SPPL3: variants seen among roughly 807,000 people sequenced by gnomAD.
SPPL3 encodes signal peptide peptidase like 3, also known as signal peptide peptidase-like 3.
A neutral mutation model predicts 42.4 loss-of-function variants in SPPL3; 5 were observed. The observed-to-expected ratio is 0.12, with a 90% CI of 0.06 to 0.25. The LOEUF (loss-of-function observed/expected upper bound fraction) is 0.25. Among genes scored for constraint, SPPL3 ranks in the 10% least tolerant of loss-of-function variants. SPPL3 has a pLI of 1.00. For missense variants in SPPL3, 235 were observed against 489.0 expected (o/e 0.48, Z 4.90); for synonymous variants, 195 against 181.8 (o/e 1.07, Z -0.58).
intron 6 of SPPL3, among the ~76,000 whole-genome samples, chr12:120,782,226 A>C (rs971261209): frequency 6.6e-6 from 1 of 152,230 alleles, no homozygotes; most frequent in African/African-American, 2.4e-5. Context: ...ATATTCAAAG[A>C]AGCATCATTC....
intron 1 of SPPL3, among the ~76,000 whole-genome samples, chr12:120,894,494 C>T (rs1172410372): frequency 6.6e-6 from 1 of 152,180 alleles, no homozygotes; most frequent in Non-Finnish European, 1.5e-5. Flanking sequence ...AGGCACTGTA[C>T]GTAGGTCACA....
At chr12:120,856,275 A>C (rs2137038401) in intron 1 of SPPL3, among the ~76,000 whole-genome samples, 1 of 151,796 alleles carries the variant, frequency 6.6e-6, no homozygotes, top group Non-Finnish European at 1.5e-5. Context: ...GATTTCCCTT[A>C]ATCTGAAAGA....
rs1255922451 is a variant in SPPL3 at position 120,763,324 on chromosome 12, C to T, written c.*1675G>A. On this transcript the variant is annotated 3_prime_UTR_variant, in exon 11 of 11. Coordinates refer to ENST00000353487, the MANE Select transcript of SPPL3 (RefSeq NM_139015.5). ...GAGGAATCCAACACCCTGACTGCTT[C>T]AGACTCTGTTGACAACAGGATGGGT... 2.0e-5 allele frequency: 3 copies of T among 152,666 alleles called. No individual in the cohort carries two copies. Among genetic ancestry groups the T allele is most frequent in the Non-Finnish European group, 4.4e-5 (3 of 68,074 alleles). 9.5% of individuals were successfully genotyped at this position (152,666 alleles called of 1,614,324 possible). A position where few individuals can be genotyped will look rare whatever the true frequency, so the allele number is the denominator to read the frequency against.
intron 1 of SPPL3, among the ~76,000 whole-genome samples, chr12:120,871,234 G>A (rs547922771): frequency 9.4e-5 from 14 of 149,562 alleles, no homozygotes; most frequent in African/African-American, 3.2e-4. Flanking sequence ...ATTTAAAAAC[G>A]ATTAAAATGG....
At chr12:120,865,527 G>T (rs1593002481) in intron 1 of SPPL3, among the ~76,000 whole-genome samples, 1 of 152,224 alleles carries the variant, frequency 6.6e-6, no homozygotes, top group East Asian at 1.9e-4. Flanking sequence ...TCAGTGTTTG[G>T]CATGGGTCCT....
chr12:120,890,202 T>C (rs1873591150), intron 1 of SPPL3, among the ~76,000 whole-genome samples: 1 of 151,986 alleles, frequency 6.6e-6, no homozygotes, highest in Non-Finnish European at 1.5e-5. Flanking sequence ...TGAGCCGAGA[T>C]TGCGCCATAG....
rs112460553 is a variant in SPPL3 at position 120,889,376 on chromosome 12, TA to T, written c.23+14468del. Among the ~76,000 whole-genome samples, 13 of 152,366 alleles carry T rather than the reference TA, an allele frequency of 8.5e-5. 1 individual carries two copies. Among genetic ancestry groups the T allele is most frequent in the African/African-American group, 2.9e-4 (12 of 41,586 alleles). On this transcript the variant is annotated intron_variant, in intron 1 of 10. Coordinates refer to ENST00000353487, the MANE Select transcript of SPPL3 (RefSeq NM_139015.5). ...TTGCAGTTCTTCCCACTAATGGGCGTAAGATTTATTTTTGTGGCTCCTTGAC... is the reference window on the plus strand; with the variant it reads ...TTGCAGTTCTTCCCACTAATGGGCGTAGATTTATTTTTGTGGCTCCTTGAC...
intron 1 of SPPL3, among the ~76,000 whole-genome samples, chr12:120,869,691 T>G (rs1872862398): frequency 1.3e-5 from 2 of 152,214 alleles, no homozygotes; most frequent in Non-Finnish European, 2.9e-5. Context: ...ATGTTAGCAT[T>G]TTCGCTACTA....
chr12:120,834,554 T>C (rs994545694), intron 1 of SPPL3, among the ~76,000 whole-genome samples: 9 of 152,178 alleles, frequency 5.9e-5, no homozygotes, highest in South Asian at 2.1e-4. Context: ...AAGGAGATGT[T>C]AGAAATCTTT....
At chr12:120,867,716 A>G (rs1186203099) in intron 1 of SPPL3, among the ~76,000 whole-genome samples, 1 of 148,782 alleles carries the variant, frequency 6.7e-6, no homozygotes. Context: ...TTAGAGTTGA[A>G]CAACTATGGT....
At chr12:120,871,138 A>AAAAAAAAAAG (rs1328903454) in intron 1 of SPPL3, among the ~76,000 whole-genome samples, 5 of 149,708 alleles carry the variant, frequency 3.3e-5, no homozygotes, top group Admixed American at 6.6e-5. Flanking sequence ...TCCAAAAAAA[A>AAAAAAAAAAG]AAAAAAAAAA....
chr12:120,774,355 G>A (rs1034152141), intron 6 of SPPL3, among the ~76,000 whole-genome samples: 1 of 152,110 alleles, frequency 6.6e-6, no homozygotes, highest in Non-Finnish European at 1.5e-5. Context: ...AGGTCACCAG[G>A]TTCCCTTCTC....
chr12:120,817,583 C>A (rs1870924680), intron 1 of SPPL3, among the ~76,000 whole-genome samples: 1 of 152,164 alleles, frequency 6.6e-6, no homozygotes, highest in East Asian at 1.9e-4. Flanking sequence ...TTCGTTTATT[C>A]AACCCATGGG....
At chr12:120,832,498 C>T (rs1871457565) in intron 1 of SPPL3, among the ~76,000 whole-genome samples, 3 of 151,956 alleles carry the variant, frequency 2.0e-5, no homozygotes, top group Admixed American at 2.0e-4. Context: ...ATGAAGAAAC[C>T]CCATCTCTAC....
intron 1 of SPPL3, among the ~76,000 whole-genome samples, chr12:120,881,484 A>AG (rs57017511): frequency 1.1e-5 from 1 of 87,316 alleles, no homozygotes; most frequent in Non-Finnish European, 3.1e-5. Flanking sequence ...AAAAAAAAAA[A>AG]GAGAAGAGAA....
intron 1 of SPPL3, among the ~76,000 whole-genome samples, chr12:120,842,311 A>G (rs1849962257): frequency 6.6e-6 from 1 of 152,198 alleles, no homozygotes; most frequent in South Asian, 2.1e-4. Context: ...AGACATCTAC[A>G]GACAATTATT....
chr12:120,789,210 T>C (rs749663603), intron 3 of SPPL3, among the ~76,000 whole-genome samples: 3 of 151,926 alleles, frequency 2.0e-5, no homozygotes, highest in South Asian at 2.1e-4. Context: ...TCCCAGCACT[T>C]TGGGAGGCCA....
At chr12:120,885,659 C>T (rs937629739) in intron 1 of SPPL3, among the ~76,000 whole-genome samples, 1 of 152,072 alleles carries the variant, frequency 6.6e-6, no homozygotes, top group African/African-American at 2.4e-5. Context: ...CTATCCCTAT[C>T]TTCAACCATC....
chr12:120,808,000 C>A (rs1870556964), intron 2 of SPPL3, among the ~76,000 whole-genome samples: 2 of 151,972 alleles, frequency 1.3e-5, no homozygotes, highest in Admixed American at 6.6e-5. Flanking sequence ...CTGTTTCAAT[C>A]CAGACTTTGT....
Sources: allele counts gnomAD v4.1 joint callset (sites outside exome capture counted in the v4.1 genomes callset), GRCh38; gene constraint gnomAD v4.1.1; transcripts MANE v1.5; gene names NCBI Gene and HGNC (gene_info 2026-07-23, HGNC 2026-07-21).